FAM114A1: variants seen among roughly 807,000 people sequenced by gnomAD.
FAM114A1 encodes the protein protein NOXP20.
In FAM114A1, 62 loss-of-function variants were observed where a neutral mutation model predicts 64.3. The observed-to-expected ratio is 0.96, with a 90% CI of 0.79 to 1.19. FAM114A1 has a LOEUF of 1.19. Among genes scored for constraint, FAM114A1 ranks in the 50% most tolerant of loss-of-function variants. The pLI is 0.00. For missense variants in FAM114A1, 645 were observed against 676.3 expected, an observed-to-expected ratio of 0.95 and a Z score of 0.51; for synonymous variants, 254 against 251.1, an observed-to-expected ratio of 1.01 and a Z score of -0.11.
chr4:38,939,301 C>T (rs1055457888), intron 13 of FAM114A1, among the ~76,000 whole-genome samples: 1 of 152,320 alleles, frequency 6.6e-6, no homozygotes, highest in East Asian at 1.9e-4. Flanking sequence ...CTCACCACAA[C>T]AATACCTCTG....
At position 38,878,176 on chromosome 4, in the gene FAM114A1, A is replaced by G; in HGVS notation, c.98A>G (p.His33Arg). 1 of 1,614,244 alleles carries G rather than the reference A, an allele frequency of 6.2e-7. No homozygotes were observed. Among genetic ancestry groups the G allele is most frequent in the Non-Finnish European group, 8.5e-7 (1 of 1,180,048 alleles). Residue 33 changes from histidine to arginine, a missense_variant, in exon 3 of 15, where the codon CAT becomes CGT. By Grantham distance (29) the His-to-Arg change is conservative. Coordinates refer to ENST00000358869, the MANE Select transcript of FAM114A1 (RefSeq NM_138389.4). ...TCTTTACCTGAGGATGCAGAAGTGC[A>G]TTGTGATTCAGCTGCAGTTTCACAT... ...SDSLPEDAEV[H>R]CDSAAVSHEP...
rs562432242 is a variant in FAM114A1 at position 38,890,416 on chromosome 4, A to AC, written c.349-1327_349-1326insC. ...GACTCCGTCTCAAAAAAAAAAACAA[A>AC]AAAAAACAGCAAGGGAGTTGGGAGT... On this transcript the variant is annotated intron_variant, in intron 3 of 14. Transcript: ENST00000358869. 1.6e-3 allele frequency among the ~76,000 whole-genome samples: 242 copies of AC among 151,832 alleles called. 4 individuals carry two copies. Among genetic ancestry groups the AC allele is most frequent in the African/African-American group, 5.6e-3 (232 of 41,354 alleles).
intron 8 of FAM114A1, among the ~76,000 whole-genome samples, chr4:38,921,475 A>G (rs1238300390): frequency 6.6e-6 from 1 of 151,480 alleles, no homozygotes; most frequent in African/African-American, 2.4e-5. Context: ...TGATTGCTTG[A>G]GCCCTCAAAC....
rs3188469 is a variant in FAM114A1, at chr4:38,929,300, A to G, written c.1128A>G (p.Leu376=). The G allele has an allele frequency of 0.14, 232,436 of 1,613,040 alleles. 18,990 individuals are homozygous for G. The highest frequency in any genetic ancestry group is 0.17 in the Non-Finnish European group (201,196 of 1,179,006). ...TGCTTACAGAGCTTCTCTTTGAATT[A>G]CATGTGGCGGCCACACCTGACAAAC... ...ARMLTELLFE[L]HVAATPDKLN... Residue 376 remains leucine, a synonymous_variant, in exon 10 of 15, where the codon TTA becomes TTG. Transcript: ENST00000358869.
chr4:38,933,056 G>A (rs1720792722), intron 12 of FAM114A1, among the ~76,000 whole-genome samples: 1 of 152,056 alleles, frequency 6.6e-6, no homozygotes, highest in African/African-American at 2.4e-5. Flanking sequence ...TTTTCACCAT[G>A]TTGGCCAGGA....
At chr4:38,924,964 A>G (rs746795722) in intron 9 of FAM114A1, among the ~76,000 whole-genome samples, 5 of 152,380 alleles carry the variant, frequency 3.3e-5, no homozygotes, top group African/African-American at 4.8e-5. Flanking sequence ...ATTGTTGCCA[A>G]TGCAACTAAA....
intron 14 of FAM114A1, among the ~76,000 whole-genome samples, chr4:38,942,627 G>A (rs999806659): frequency 6.6e-6 from 1 of 152,136 alleles, no homozygotes; most frequent in Non-Finnish European, 1.5e-5. Flanking sequence ...GTGTGTTAGT[G>A]CACCACAAAA....
At chr4:38,924,306 A>C (rs886926491) in intron 9 of FAM114A1, among the ~76,000 whole-genome samples, 1 of 152,240 alleles carries the variant, frequency 6.6e-6, no homozygotes, top group Non-Finnish European at 1.5e-5. Context: ...AATGCCAGGA[A>C]AAAGTAAAGG....
At chr4:38,870,140 T>C (rs1479668544) in intron 2 of FAM114A1, among the ~76,000 whole-genome samples, 1 of 152,144 alleles carries the variant, frequency 6.6e-6, no homozygotes, top group African/African-American at 2.4e-5. Context: ...AGGACACAAC[T>C]CTTTCCACCT....
intron 8 of FAM114A1, among the ~76,000 whole-genome samples, chr4:38,920,585 C>T (rs921511067): frequency 6.6e-6 from 1 of 152,300 alleles, no homozygotes; most frequent in Admixed American, 6.5e-5. Context: ...AATGGAAAAC[C>T]CCAATGCTCT....
intron 4 of FAM114A1, among the ~76,000 whole-genome samples, chr4:38,898,433 C>A (rs1256522955): frequency 6.6e-6 from 1 of 152,146 alleles, no homozygotes; most frequent in Non-Finnish European, 1.5e-5. Flanking sequence ...CAAAATGATA[C>A]TACGATGAGA....
chr4:38,892,289 A>G (rs1455440801), intron 4 of FAM114A1, among the ~76,000 whole-genome samples: 2 of 152,262 alleles, frequency 1.3e-5, no homozygotes, highest in Admixed American at 6.5e-5. Context: ...ATATTACAAT[A>G]TAAGGAGAAA....
chr4:38,920,618 G>A (rs558422924), intron 8 of FAM114A1, among the ~76,000 whole-genome samples: 5 of 152,270 alleles, frequency 3.3e-5, no homozygotes, highest in East Asian at 3.9e-4. Context: ...ATTGCCATCC[G>A]CCAGAAGACA....
intron 8 of FAM114A1, among the ~76,000 whole-genome samples, chr4:38,916,388 A>T (rs1385724849): frequency 3.3e-5 from 5 of 152,218 alleles, no homozygotes; most frequent in Admixed American, 3.3e-4. Flanking sequence ...AACCAAGCAG[A>T]TGTTATAAAT....
chr4:38,943,702 T>G lies in FAM114A1; in HGVS notation c.*145T>G, dbSNP rs1478456511. ...AATTTTGCACAGACAATATTGAGAA[T>G]GCAAATTTAGAGAGAGTTATCATTT... On this transcript the variant is annotated 3_prime_UTR_variant, in exon 15 of 15. Coordinates refer to ENST00000358869, the MANE Select transcript of FAM114A1 (RefSeq NM_138389.4). 3 of 559,820 alleles carry G rather than the reference T, an allele frequency of 5.4e-6. No individual in the cohort carries two copies. The highest frequency in any genetic ancestry group is 6.5e-6 in the Non-Finnish European group (2 of 308,566). 34.7% of individuals were successfully genotyped at this position (559,820 alleles called of 1,614,324 possible).
In FAM114A1 at chr4:38,935,799, A is replaced by T; in HGVS notation, c.1536+9A>T. ...CTTTAACCACTGTTGGGGTAAGATTACAGTCTTGAATTTTTTTCACCTTTT... is the reference window on the plus strand; with the variant it reads ...CTTTAACCACTGTTGGGGTAAGATTTCAGTCTTGAATTTTTTTCACCTTTT... On this transcript the variant is annotated intron_variant, in intron 13 of 14. Transcript: ENST00000358869. The T allele has an allele frequency of 6.3e-7, 1 of 1,595,084 alleles. No individual in the cohort carries two copies. The highest frequency in any genetic ancestry group is 8.6e-7 in the Non-Finnish European group (1 of 1,167,004).
At chr4:38,894,466 A>G (rs1716717344) in intron 4 of FAM114A1, among the ~76,000 whole-genome samples, 2 of 152,214 alleles carry the variant, frequency 1.3e-5, no homozygotes, top group African/African-American at 2.4e-5. Flanking sequence ...TCACTGTGCC[A>G]TGAAAAATAA....
chr4:38,896,597 C>G (rs999682846), intron 4 of FAM114A1, among the ~76,000 whole-genome samples: 2 of 147,202 alleles, frequency 1.4e-5, no homozygotes, highest in Non-Finnish European at 3.0e-5. Context: ...TGGAATGGGG[C>G]TCAAAGATCT....
At position 38,927,615 on chromosome 4, in the gene FAM114A1, A is replaced by G. The variant is rs74837673; in HGVS notation, c.1070-1627A>G. ...TGTTTAAAACTCCTAAACCCCAGCT[A>G]GCCCTGTTTATACTTCTCCATAAAA... On this transcript the variant is annotated intron_variant, in intron 9 of 14. Transcript: ENST00000358869. Among the ~76,000 whole-genome samples, 181 of 152,336 alleles carry G rather than the reference A, an allele frequency of 1.2e-3. 1 individual carries two copies. The highest frequency in any genetic ancestry group is 4.3e-3 in the African/African-American group (180 of 41,586).
Sources: gnomAD v4.1 joint callset for allele counts (sites outside exome capture counted in the v4.1 genomes callset) on GRCh38, gnomAD v4.1.1 for gene constraint, MANE v1.5 for transcripts, NCBI Gene and HGNC (gene_info 2026-07-23, HGNC 2026-07-21) for gene names.